Variants in PIK3R3 observed in about 807,000 individuals in gnomAD.
PIK3R3 encodes the protein phosphoinositide-3-kinase regulatory subunit 3, also known as phosphatidylinositol 3-kinase regulatory subunit gamma.
In PIK3R3, 64 loss-of-function variants were observed where a neutral mutation model predicts 62.9. The ratio of observed to expected loss-of-function variants is 1.02; its 90% CI spans 0.83 to 1.25. The LOEUF (loss-of-function observed/expected upper bound fraction) is 1.25. Among genes scored for constraint, PIK3R3 ranks in the 50% most tolerant of loss-of-function variants. The probability of loss-of-function intolerance (pLI) is 0.00; values close to 1 mark genes in which losing one functional copy is unlikely to be tolerated. For synonymous variants in PIK3R3, 165 were observed against 189.0 expected, an observed-to-expected ratio of 0.87 and a Z score of 1.04; for missense variants, 614 against 561.6, an observed-to-expected ratio of 1.09 and a Z score of -0.94.
At chr1:46,049,325 TAAGA>T (rs1464367256) in intron 7 of PIK3R3, among the ~76,000 whole-genome samples, 5 of 152,216 alleles carry the variant, frequency 3.3e-5, no homozygotes, top group Non-Finnish European at 7.3e-5. Context: ...TACCACACTT[TAAGA>T]AGAGAGTTTG....
the PIK3R3 span, among the ~76,000 whole-genome samples, chr1:46,161,484 T>C: frequency 5.3e-5 from 8 of 152,322 alleles, no homozygotes; most frequent in Admixed American, 5.2e-4. Flanking sequence ...TGGCACAACC[T>C]TTCTGGAAAG....
the PIK3R3 span, among the ~76,000 whole-genome samples, chr1:46,159,301 C>G: frequency 1.3e-5 from 2 of 152,058 alleles, no homozygotes; most frequent in African/African-American, 4.8e-5. Context: ...GGGGCAAAGC[C>G]CAGATTCAAA....
At chr1:46,140,253 C>T in the PIK3R3 span, among the ~76,000 whole-genome samples, 1 of 152,178 alleles carries the variant, frequency 6.6e-6, no homozygotes, top group African/African-American at 2.4e-5. Flanking sequence ...CGCAGCCTCC[C>T]ATGTGCTAGG....
rs1482435500 is a variant in PIK3R3 at position 46,044,008 on chromosome 1, T to C, written c.1188-137A>G. 1 of 710,988 alleles carries C rather than the reference T, an allele frequency of 1.4e-6. No homozygotes were observed. The highest frequency in any genetic ancestry group is 1.8e-5 in the South Asian group (1 of 54,530). The allele number at this position is 710,988 out of a possible 1,614,324, so 44.0% of individuals were successfully genotyped here. A position where few individuals can be genotyped will look rare whatever the true frequency, so the allele number is the denominator to read the frequency against. On this transcript the variant is annotated intron_variant, in intron 9 of 9. Coordinates refer to ENST00000262741, the MANE Select transcript of PIK3R3 (RefSeq NM_003629.4). This position sits in a 1 kb window ranked among gnomAD's most constrained non-coding sequence, Gnocchi z 4.2. ...ACCAGGCAAAGCTTGTGAAATTGCGTTCCCATTCCCTACAGACTTGGCCAC... is the reference window on the plus strand; with the variant it reads ...ACCAGGCAAAGCTTGTGAAATTGCGCTCCCATTCCCTACAGACTTGGCCAC...
intron 3 of PIK3R3, among the ~76,000 whole-genome samples, chr1:46,071,808 C>A (rs1392098738): frequency 6.8e-6 from 1 of 146,560 alleles, no homozygotes; most frequent in East Asian, 2.0e-4. Context: ...AGTGGTTCTC[C>A]CCACCTACCT....
intron 1 of PIK3R3, among the ~76,000 whole-genome samples, chr1:46,120,130 A>G (rs1483984276): frequency 6.6e-6 from 1 of 152,194 alleles, no homozygotes; most frequent in Non-Finnish European, 1.5e-5. Context: ...TACTTGCTAC[A>G]CTAACACTAT....
chr1:46,141,766 C>G, the PIK3R3 span, among the ~76,000 whole-genome samples: 1 of 152,186 alleles, frequency 6.6e-6, no homozygotes, highest in East Asian at 1.9e-4. Flanking sequence ...CCAGTGTCAT[C>G]AAATGTCTCT....
chr1:46,135,986 C>T (rs1025186764), upstream of PIK3R3, among the ~76,000 whole-genome samples: 1 of 147,544 alleles, frequency 6.8e-6, no homozygotes, highest in Non-Finnish European at 1.5e-5. Flanking sequence ...GCCGACATCA[C>T]GCCATTGCAC....
intron 7 of PIK3R3, among the ~76,000 whole-genome samples, chr1:46,053,501 A>G (rs1647565799): frequency 6.6e-6 from 1 of 152,160 alleles, no homozygotes; most frequent in African/African-American, 2.4e-5. Context: ...TGATTAGGTC[A>G]TAAAGGCAGA....
chr1:46,121,246 A>G (rs570200559), intron 1 of PIK3R3, among the ~76,000 whole-genome samples: 1 of 152,366 alleles, frequency 6.6e-6, no homozygotes, highest in African/African-American at 2.4e-5. Context: ...CCCAGAACTA[A>G]TATCAGAAAA....
chr1:46,048,533 T>C (rs1350079579), intron 7 of PIK3R3, among the ~76,000 whole-genome samples: 1 of 152,186 alleles, frequency 6.6e-6, no homozygotes, highest in Non-Finnish European at 1.5e-5. Flanking sequence ...CCCAAAGTTT[T>C]CTATCCTTAA....
chr1:46,088,740 G>T (rs908114669), intron 1 of PIK3R3, among the ~76,000 whole-genome samples: 2 of 152,044 alleles, frequency 1.3e-5, no homozygotes, highest in African/African-American at 4.8e-5. Flanking sequence ...TTTCAGAACT[G>T]AAGGACACAC....
chr1:46,140,155 A>G, the PIK3R3 span, among the ~76,000 whole-genome samples: 295 of 152,154 alleles, frequency 1.9e-3, no homozygotes, highest in African/African-American at 6.5e-3. Flanking sequence ...TGCCTGGCTA[A>G]TTTTTTATTT....
At chr1:46,166,380 G>A in the PIK3R3 span, among the ~76,000 whole-genome samples, 3 of 151,750 alleles carry the variant, frequency 2.0e-5, no homozygotes, top group African/African-American at 7.3e-5. Flanking sequence ...GCGCCTCCAT[G>A]CCTGGCTAAT....
the PIK3R3 span, among the ~76,000 whole-genome samples, chr1:46,141,415 C>T: frequency 9.9e-5 from 15 of 152,020 alleles, no homozygotes; most frequent in East Asian, 1.9e-4. Flanking sequence ...GGATTACAGG[C>T]GCCCACCACC....
the PIK3R3 span, among the ~76,000 whole-genome samples, chr1:46,163,784 G>A: frequency 1.3e-5 from 2 of 152,148 alleles, no homozygotes; most frequent in East Asian, 3.9e-4. Flanking sequence ...TCACCTCCTG[G>A]CTCTGCCACT....
chr1:46,167,971 C>CA, the PIK3R3 span, among the ~76,000 whole-genome samples: 1 of 152,102 alleles, frequency 6.6e-6, no homozygotes, highest in East Asian at 1.9e-4. Flanking sequence ...GCCTGGCCAA[C>CA]ATGGTGAAAC....
At chr1:46,144,855 C>T in the PIK3R3 span, among the ~76,000 whole-genome samples, 1 of 151,094 alleles carries the variant, frequency 6.6e-6, no homozygotes, top group Non-Finnish European at 1.5e-5. Context: ...CTGGGCACGG[C>T]GGCTCATGGC....
the PIK3R3 span, among the ~76,000 whole-genome samples, chr1:46,154,493 T>C: frequency 2.0e-5 from 3 of 152,168 alleles, no homozygotes; most frequent in African/African-American, 7.2e-5. Flanking sequence ...TGCTTGAGCC[T>C]GGGAGGTTAA....
Sources: allele counts gnomAD v4.1 joint callset (sites outside exome capture counted in the v4.1 genomes callset), GRCh38; gene constraint gnomAD v4.1.1; non-coding constraint Gnocchi (gnomAD v3.1); transcripts MANE v1.5; gene names NCBI Gene and HGNC (gene_info 2026-07-23, HGNC 2026-07-21).